The following SMG9 variants were observed in gnomAD, a reference collection of about 807,000 sequenced individuals.
SMG9 encodes SMG9 nonsense mediated mRNA decay factor.
Under a neutral mutation model 64.0 loss-of-function variants are expected in SMG9, and 55 were observed. The observed-to-expected ratio is 0.86, with a 90% CI of 0.69 to 1.08. The LOEUF (loss-of-function observed/expected upper bound fraction) is 1.08, where lower values mean the gene tolerates loss of function less well. Ranked by LOEUF, SMG9 falls within the 50% of genes least tolerant of loss-of-function variation. The probability of loss-of-function intolerance (pLI) is 0.00; values close to 1 mark genes in which losing one functional copy is unlikely to be tolerated. For synonymous variants in SMG9, 244 were observed against 254.8 expected, an observed-to-expected ratio of 0.96 and a Z score of 0.41; for missense variants, 554 against 681.3, an observed-to-expected ratio of 0.81 and a Z score of 2.08.
rs772386762 is a variant in SMG9 at position 43,744,886 on chromosome 19, T to C, written c.589-2A>G. 1.2e-6 allele frequency: 2 copies of C among 1,610,558 alleles called. No individual in the cohort carries two copies. Among genetic ancestry groups the C allele is most frequent in the Non-Finnish European group, 8.5e-7 (1 of 1,177,434 alleles). ...CACATCAGTCTGATCCAACAGGTAC[T>C]GTGGGAAAATACATAAATGACTCTG... On this transcript the variant is annotated splice_acceptor_variant, in intron 5 of 13. Coordinates refer to ENST00000270066, the MANE Select transcript of SMG9 (RefSeq NM_019108.4). LOFTEE classifies it high-confidence loss of function.
chr19:43,744,215 G>C (rs1357400793), intron 6 of SMG9, among the ~76,000 whole-genome samples: 1 of 152,164 alleles, frequency 6.6e-6, no homozygotes, highest in East Asian at 1.9e-4. Context: ...GAGAAGCAGA[G>C]CCATTTTCCC....
At chr19:43,732,652 A>G (rs879341118) in intron 13 of SMG9, 5 of 618,258 alleles carry the variant, frequency 8.1e-6, no homozygotes, top group Non-Finnish European at 1.4e-5. Flanking sequence ...CTGGCTGATT[A>G]GGAGGATTCA....
intron 9 of SMG9, among the ~76,000 whole-genome samples, chr19:43,736,603 C>T (rs1363387775): frequency 6.6e-6 from 1 of 152,198 alleles, no homozygotes; most frequent in African/African-American, 2.4e-5. Flanking sequence ...CAGCAAAACT[C>T]CACGGATCAG....
intron 5 of SMG9, among the ~76,000 whole-genome samples, chr19:43,746,924 T>C (rs1179867031): frequency 6.6e-6 from 1 of 151,856 alleles, no homozygotes; most frequent in Non-Finnish European, 1.5e-5. Context: ...TGGAGTCAAG[T>C]GATCCTCTTA....
chr19:43,751,476 C>T (rs1237365369), intron 1 of SMG9, among the ~76,000 whole-genome samples: 1 of 152,246 alleles, frequency 6.6e-6, no homozygotes, highest in African/African-American at 2.4e-5. Flanking sequence ...CCTGTGGTAG[C>T]AACTGCAAGC....
chr19:43,734,688 C>A, intron 9 of SMG9, 193 bp from the exon 10 acceptor site: 2 of 472,180 alleles, frequency 4.2e-6, no homozygotes. Context: ...ATGGACTTAC[C>A]AACTGTATAA....
In SMG9 at chr19:43,734,417, A is replaced by T; in HGVS notation, c.1074T>A (p.Asp358Glu). The change falls in exon 10 of 14, where the codon GAT (aspartate) becomes GAA (glutamate). Residue 358 changes from aspartate to glutamate, a missense_variant. By Grantham distance (45) the Asp-to-Glu change is conservative. Transcript: ENST00000270066. ...SHESSSSSGSDEGTEYYPHLV... is the reference protein window; with the variant it reads ...SHESSSSSGSEEGTEYYPHLV... ...GGTGGGGGTAGTACTCGGTGCCTTC[A>T]TCGGAGCCCGATGAGCTGCTGGACT... 1 of 1,558,550 alleles carries T rather than the reference A, an allele frequency of 6.4e-7. No individual in the cohort carries two copies. The highest frequency in any genetic ancestry group is 8.7e-7 in the Non-Finnish European group (1 of 1,150,564).
chr19:43,747,437 G>A lies in SMG9; in HGVS notation c.588+5C>T, dbSNP rs346537. The A allele has an allele frequency of 2.9e-3, 4,728 of 1,612,374 alleles. 122 individuals are homozygous for A. In the African/African-American group the frequency reaches 0.056, roughly 19 times the overall value. On this transcript the variant is annotated splice_donor_5th_base_variant and intron_variant, in intron 5 of 13. Transcript: ENST00000270066. Reference sequence around the variant, plus strand: ...AAGCTCAGGCAGGGCAGGACCCCTCGGTACCTCGATGGCACTGTCACACCA... The same window carrying A: ...AAGCTCAGGCAGGGCAGGACCCCTCAGTACCTCGATGGCACTGTCACACCA...
intron 7 of SMG9, 165 bp downstream of exon 7, chr19:43,739,942 G>A (rs930605229): frequency 8.0e-6 from 5 of 623,660 alleles, no homozygotes; most frequent in Middle Eastern, 4.1e-4. Context: ...AGTGACAAGA[G>A]ACTAAGGGCC....
rs374934147 is a variant in SMG9, at chr19:43,748,800, G to A, written c.151-748C>T. ...GTCTGTTCCTTCACCAATATACTGAGGACACTTACTTAAACCCTGCTCACT... is the reference window on the plus strand; with the variant it reads ...GTCTGTTCCTTCACCAATATACTGAAGACACTTACTTAAACCCTGCTCACT... On this transcript the variant is annotated intron_variant, in intron 2 of 13. Transcript: ENST00000270066. 53 of 519,974 alleles carry A rather than the reference G, an allele frequency of 1.0e-4. No individual in the cohort carries two copies. In the Admixed American group the frequency reaches 1.0e-3, roughly 10 times the overall value. 32.2% of individuals were successfully genotyped at this position (519,974 alleles called of 1,614,324 possible).
chr19:43,747,587 G>A, intron 4 of SMG9, 46 bp downstream of exon 4: 1 of 1,614,062 alleles, frequency 6.2e-7, no homozygotes, highest in Non-Finnish European at 8.5e-7. Context: ...GAGGATCTGT[G>A]AGGAGACGCC....
In SMG9 at chr19:43,740,186, A is replaced by G; in HGVS notation, c.734T>C (p.Met245Thr). 1 of 1,614,000 alleles carries G rather than the reference A, an allele frequency of 6.2e-7. No individual in the cohort carries two copies. Among genetic ancestry groups the G allele is most frequent in the African/African-American group, 1.3e-5 (1 of 74,988 alleles). ...GGTCTGGTTGCCCCCTCGTTCCTTC[A>G]TTTCAGCGCTCTGGGCCCGGAAAAC... Reference protein sequence around the residue: ...TYVFRAQSAEMKERGGNQTSG... With the variant: ...TYVFRAQSAETKERGGNQTSG... Residue 245 changes from methionine to threonine, a missense_variant, in exon 7 of 14, where the codon ATG becomes ACG. Met to Thr is a moderately conservative substitution (Grantham distance 81). Coordinates refer to ENST00000270066, the MANE Select transcript of SMG9 (RefSeq NM_019108.4).
chr19:43,745,311 G>A (rs1968965901), intron 5 of SMG9, among the ~76,000 whole-genome samples: 3 of 152,196 alleles, frequency 2.0e-5, no homozygotes, highest in Admixed American at 1.3e-4. Flanking sequence ...ACATGAAAGG[G>A]AGTGGTGTGC....
chr19:43,750,174 C>T, intron 2 of SMG9: 1 of 523,924 alleles, frequency 1.9e-6, no homozygotes, highest in Non-Finnish European at 3.8e-6. Context: ...CCTACCAGGT[C>T]CTACATGATT....
chr19:43,732,895 G>A lies in SMG9; in HGVS notation c.1447C>T (p.Pro483Ser), dbSNP rs1010042716. Reference protein sequence around the residue: ...LRSQVMSMARPQLSHTILTEK... With the variant: ...LRSQVMSMARSQLSHTILTEK... ...GTGAGGATCGTGTGTGACAGCTGTG[G>A]CCGGGCCATGGACATCACTTGGCTC... is the stretch of plus-strand genomic sequence containing the variant. Residue 483 changes from proline to serine, a missense_variant, in exon 13 of 14, where the codon CCA (proline) becomes TCA (serine). By Grantham distance (74) the Pro-to-Ser change is moderately conservative. Transcript: ENST00000270066. 6.2e-7 allele frequency: 1 copy of A among 1,613,858 alleles called. No individual in the cohort carries two copies. Among genetic ancestry groups the A allele is most frequent in the Non-Finnish European group, 8.5e-7 (1 of 1,180,010 alleles).
Position 43,753,562 on chromosome 19 carries a change from G to C in SMG9, c.-7+1092C>G, listed in dbSNP as rs1969259771. The stretch of plus-strand genomic sequence containing the variant: ...TGCGGCCTCTGCCTCCCGGGTTCAG[G>C]CAATTCTCCTGCCTCAGCCTCCCAA... On this transcript the variant is annotated intron_variant, in intron 1 of 13. Coordinates refer to ENST00000270066, the MANE Select transcript of SMG9 (RefSeq NM_019108.4). 2.6e-5 allele frequency among the ~76,000 whole-genome samples: 4 copies of C among 151,446 alleles called. No individual in the cohort carries two copies. In the South Asian group the frequency reaches 8.4e-4, roughly 32 times the overall value.
In SMG9 at chr19:43,728,644, T is replaced by G. The variant is rs1968375316; in HGVS notation, c.*2952A>C. 6.6e-6 allele frequency: 1 copy of G among 152,266 alleles called. No homozygotes were observed. Among genetic ancestry groups the G allele is most frequent in the Non-Finnish European group, 1.5e-5 (1 of 68,070 alleles). The allele number at this position is 152,266 out of a possible 1,614,324, so 9.4% of individuals were successfully genotyped here. A position where few individuals can be genotyped will look rare whatever the true frequency, so the allele number is the denominator to read the frequency against. Reference sequence around the variant, plus strand: ...AGATGCCCAGCAAGCTTTAGCAACTTGTCCAATGCCACACAGGTGGTAGAT... The same window carrying G: ...AGATGCCCAGCAAGCTTTAGCAACTGGTCCAATGCCACACAGGTGGTAGAT... On this transcript the variant is annotated 3_prime_UTR_variant, in exon 14 of 14. Coordinates refer to ENST00000270066, the MANE Select transcript of SMG9 (RefSeq NM_019108.4).
intron 7 of SMG9, among the ~76,000 whole-genome samples, chr19:43,739,445 C>T (rs935694908): frequency 1.3e-5 from 2 of 152,084 alleles, no homozygotes; most frequent in African/African-American, 4.8e-5. Context: ...CAGGTAAAAA[C>T]GGGATATGCG....
chr19:43,749,985 G>GT lies in SMG9; in HGVS notation c.150+606_150+607insA, dbSNP rs559175538. On this transcript the variant is annotated intron_variant, in intron 2 of 13. Coordinates refer to ENST00000270066, the MANE Select transcript of SMG9 (RefSeq NM_019108.4). ...TCATGGGGTAGCTGTAAGGGTTCAG[G>GT]AAGACCCAAAGGATGTAAAAGACTT... 7.2e-5 allele frequency among the ~76,000 whole-genome samples: 11 copies of GT among 152,318 alleles called. No individual in the cohort carries two copies. In the South Asian group the frequency reaches 2.3e-3, roughly 32 times the overall value.
Sources: gnomAD v4.1 joint callset for allele counts (sites outside exome capture counted in the v4.1 genomes callset) on GRCh38, gnomAD v4.1.1 for gene constraint, MANE v1.5 for transcripts, NCBI Gene and HGNC (gene_info 2026-07-23, HGNC 2026-07-21) for gene names.